The following ME3 variants were observed in gnomAD, a reference collection of about 807,000 sequenced individuals.
The protein encoded by ME3 is NADP-dependent malic enzyme, mitochondrial.
In ME3, 48 loss-of-function variants were observed where a neutral mutation model predicts 68.9. The ratio of observed to expected loss-of-function variants is 0.70; its 90% CI spans 0.55 to 0.89. The LOEUF (loss-of-function observed/expected upper bound fraction) is 0.89. Among genes scored for constraint, ME3 ranks in the 40% least tolerant of loss-of-function variants. ME3 has a pLI of 0.00. For synonymous variants in ME3, 320 were observed against 318.8 expected, an observed-to-expected ratio of 1.00 and a Z score of -0.04; for missense variants, 675 against 797.4, an observed-to-expected ratio of 0.85 and a Z score of 1.85.
At chr11:86,636,360 G>C (rs1274490946) in intron 2 of ME3, among the ~76,000 whole-genome samples, 1 of 152,012 alleles carries the variant, frequency 6.6e-6, no homozygotes, top group African/African-American at 2.4e-5. Flanking sequence ...TAATGTCTGT[G>C]AAATGCTTTT....
chr11:86,515,566 T>G (rs918847318), intron 4 of ME3, among the ~76,000 whole-genome samples: 1 of 152,152 alleles, frequency 6.6e-6, no homozygotes, highest in African/African-American at 2.4e-5. Context: ...CAAGGCAAAT[T>G]TGCAAAATCT....
intron 4 of ME3, among the ~76,000 whole-genome samples, chr11:86,521,431 A>AAAATAATAATAATAATAATAAT (rs1271326906): frequency 9.0e-4 from 132 of 145,972 alleles, no homozygotes; most frequent in South Asian, 4.8e-3. Flanking sequence ...AACAAAACAA[A>AAAATAATAATAATAATAATAAT]AATAATAATA....
At position 86,650,165 on chromosome 11, in the gene ME3, C is replaced by T. The variant is rs557697978; in HGVS notation, c.183+21597G>A. 2.0e-5 allele frequency among the ~76,000 whole-genome samples: 3 copies of T among 152,280 alleles called. No homozygotes were observed. The South Asian group carries it at 6.2e-4, about 32-fold the overall frequency. ...CAGAAATAATACCACATATCTACAA[C>T]CATCTGATCTTTGACAAACTTGACA... On this transcript the variant is annotated intron_variant, in intron 2 of 14. Transcript: ENST00000543262.
chr11:86,521,426 AACAAAAAT>A (rs1282234326), intron 4 of ME3, among the ~76,000 whole-genome samples: 10 of 115,268 alleles, frequency 8.7e-5, no homozygotes, highest in African/African-American at 2.8e-4. Context: ...AACAAAACAA[AACAAAAAT>A]AATAATAATA....
At chr11:86,493,399 A>G (rs1297243364) in intron 6 of ME3, among the ~76,000 whole-genome samples, 1 of 152,160 alleles carries the variant, frequency 6.6e-6, no homozygotes, top group African/African-American at 2.4e-5. Flanking sequence ...TTTTAAAGCC[A>G]AGCTCCATCC....
intron 7 of ME3, among the ~76,000 whole-genome samples, chr11:86,476,733 G>C (rs1481027274): frequency 6.6e-6 from 1 of 152,220 alleles, no homozygotes; most frequent in African/African-American, 2.4e-5. Flanking sequence ...GAATAGGTCT[G>C]TGTTGGGGGT....
At chr11:86,645,874 G>A (rs528949010) in intron 2 of ME3, among the ~76,000 whole-genome samples, 1 of 152,350 alleles carries the variant, frequency 6.6e-6, no homozygotes, top group South Asian at 2.1e-4. Context: ...AATCTTCACT[G>A]TTCTGCAGCA....
At chr11:86,486,609 T>C (rs1226641587) in intron 7 of ME3, among the ~76,000 whole-genome samples, 1 of 152,244 alleles carries the variant, frequency 6.6e-6, no homozygotes, top group African/African-American at 2.4e-5. Flanking sequence ...GGCTGGAGAT[T>C]TGCAAGTGAG....
chr11:86,520,509 C>G (rs1281583919), intron 4 of ME3, among the ~76,000 whole-genome samples: 1 of 152,044 alleles, frequency 6.6e-6, no homozygotes, highest in East Asian at 1.9e-4. Flanking sequence ...ATTTGAAGAC[C>G]AACGAGAATT....
intron 6 of ME3, among the ~76,000 whole-genome samples, chr11:86,494,514 C>A (rs1952191820): frequency 6.6e-6 from 1 of 152,112 alleles, no homozygotes. Flanking sequence ...CTTCCTCTCA[C>A]CCCCGGGGCA....
At chr11:86,471,931 T>C (rs1950803626) in intron 7 of ME3, among the ~76,000 whole-genome samples, 1 of 152,216 alleles carries the variant, frequency 6.6e-6, no homozygotes, top group South Asian at 2.1e-4. Flanking sequence ...GTTGCAATAC[T>C]CTGTGGCATC....
chr11:86,444,960 C>A (rs1284674812), intron 13 of ME3, among the ~76,000 whole-genome samples: 1 of 152,188 alleles, frequency 6.6e-6, no homozygotes, highest in Non-Finnish European at 1.5e-5. Flanking sequence ...TTGATGGACA[C>A]TGTTCATGAA....
At chr11:86,615,773 G>T (rs1942915046) in intron 2 of ME3, among the ~76,000 whole-genome samples, 1 of 152,130 alleles carries the variant, frequency 6.6e-6, no homozygotes. Flanking sequence ...TTAGGGGTTG[G>T]GGCTGGGGGA....
intron 4 of ME3, among the ~76,000 whole-genome samples, chr11:86,514,379 G>C (rs1485724815): frequency 1.3e-5 from 2 of 152,158 alleles, no homozygotes; most frequent in Non-Finnish European, 2.9e-5. Flanking sequence ...CTTCTTAGTG[G>C]CTTCAGGAAG....
rs962382926 is a variant in ME3, at chr11:86,475,342, C to T, written c.810-10142G>A. Among the ~76,000 whole-genome samples the T allele has an allele frequency of 4.6e-5, 7 of 152,284 alleles. No homozygotes were observed. The East Asian group carries it at 9.6e-4, about 21-fold the overall frequency. On this transcript the variant is annotated intron_variant, in intron 7 of 14. Coordinates refer to ENST00000543262, the Ensembl canonical transcript of ME3. ...TGTGATATACCTTCTCCCGCTTTGCCTTCTGCCATGATTGTAAGCTTCCTG... is the reference window on the plus strand; with the variant it reads ...TGTGATATACCTTCTCCCGCTTTGCTTTCTGCCATGATTGTAAGCTTCCTG...
At chr11:86,634,236 C>G (rs185220634) in intron 2 of ME3, among the ~76,000 whole-genome samples, 4 of 152,228 alleles carry the variant, frequency 2.6e-5, no homozygotes, top group Admixed American at 2.6e-4. Flanking sequence ...ATTTAAATCC[C>G]CCTCCCAAAT....
At chr11:86,562,591 G>A (rs1476399957) in intron 2 of ME3, among the ~76,000 whole-genome samples, 1 of 152,120 alleles carries the variant, frequency 6.6e-6, no homozygotes, top group Non-Finnish European at 1.5e-5. Flanking sequence ...TCTAGTAGAT[G>A]TACAGTGATA....
At chr11:86,541,538 A>G (rs1374222635) in intron 4 of ME3, among the ~76,000 whole-genome samples, 1 of 152,242 alleles carries the variant, frequency 6.6e-6, no homozygotes, top group Non-Finnish European at 1.5e-5. Context: ...TGGGAAGTTC[A>G]GACTGGGTGG....
intron 8 of ME3, among the ~76,000 whole-genome samples, chr11:86,452,161 CTT>C (rs112215095): frequency 2.6e-5 from 4 of 152,280 alleles, no homozygotes; most frequent in African/African-American, 9.6e-5. Flanking sequence ...CTTCCTGTCT[CTT>C]TAATTTTGTG....
Sources: allele counts gnomAD v4.1 joint callset (sites outside exome capture counted in the v4.1 genomes callset), GRCh38; gene constraint gnomAD v4.1.1; transcripts MANE v1.5; gene names NCBI Gene and HGNC (gene_info 2026-07-23, HGNC 2026-07-21).